The following VPS37A variants were observed in gnomAD, a reference collection of about 807,000 sequenced individuals.
The protein encoded by VPS37A is vacuolar protein sorting-associated protein 37A.
Under a neutral mutation model 49.8 loss-of-function variants are expected in VPS37A, and 30 were observed. That is an observed-to-expected ratio of 0.60 (90% CI 0.45 to 0.82). The LOEUF (loss-of-function observed/expected upper bound fraction) is 0.82, where lower values mean the gene tolerates loss of function less well. Among genes scored for constraint, VPS37A ranks in the 40% least tolerant of loss-of-function variants. The pLI is 0.00. For missense variants in VPS37A, 593 were observed against 464.4 expected (o/e 1.28, Z -2.55); for synonymous variants, 195 against 160.6 (o/e 1.21, Z -1.62).
rs142649525 is a variant in VPS37A, at chr8:17,251,384, T to C, written c.125+4015T>C. Among the ~76,000 whole-genome samples, 80 of 152,368 alleles carry C rather than the reference T, an allele frequency of 5.3e-4. 1 individual carries two copies. In the East Asian group the frequency reaches 0.013, roughly 26 times the overall value. On this transcript the variant is annotated intron_variant, in intron 1 of 11. Coordinates refer to ENST00000324849, the MANE Select transcript of VPS37A (RefSeq NM_152415.3). ...AAATCAGCAATTGTGATTCCTGTCA[T>C]GCAGGATTTTTGATAACTAAAAAAT... is the stretch of plus-strand genomic sequence containing the variant.
rs1563263775 is a variant in VPS37A at position 17,273,022 on chromosome 8, C to CTTTTTTT, written c.417-1711_417-1710insTTTTTTT. Among the ~76,000 whole-genome samples the CTTTTTTT allele has an allele frequency of 5.0e-5, 4 of 80,148 alleles. 1 individual carries two copies. The highest frequency in any genetic ancestry group is 1.3e-4 in the African/African-American group (2 of 15,566). The allele number at this position is 80,148 out of a possible 152,430, so 52.6% of individuals were successfully genotyped here. On this transcript the variant is annotated intron_variant, in intron 4 of 11. Transcript: ENST00000324849. ...ATGAATGGTAGCATATTTTGCCCTT[C>CTTTTTTT]CTTTTTTTTTTTTTTTTTTTTTTTT... is the stretch of plus-strand genomic sequence containing the variant.
chr8:17,295,140 G>T lies in VPS37A; in HGVS notation c.*154G>T, dbSNP rs909580197. The T allele has an allele frequency of 2.6e-5, 4 of 152,578 alleles. No homozygotes were observed. Among genetic ancestry groups the T allele is most frequent in the Non-Finnish European group, 4.4e-5 (3 of 68,032 alleles). The allele number at this position is 152,578 out of a possible 1,614,324, so 9.5% of individuals were successfully genotyped here. A position where few individuals can be genotyped will look rare whatever the true frequency, so the allele number is the denominator to read the frequency against. ...ACAGAACTGAGACTGATTTTGTACC[G>T]ATTAGAATGATTGCTATGATCTTTG... On this transcript the variant is annotated 3_prime_UTR_variant, in exon 12 of 12. Coordinates refer to ENST00000324849, the MANE Select transcript of VPS37A (RefSeq NM_152415.3).
At chr8:17,331,453 C>T in the VPS37A span, among the ~76,000 whole-genome samples, 2 of 152,214 alleles carry the variant, frequency 1.3e-5, no homozygotes, top group African/African-American at 4.8e-5. Flanking sequence ...GCTTCAGGGA[C>T]TCCTGCTGAG....
chr8:17,258,941 C>G (rs1812731218), intron 1 of VPS37A, among the ~76,000 whole-genome samples: 1 of 151,994 alleles, frequency 6.6e-6, no homozygotes, highest in African/African-American at 2.4e-5. Context: ...GTTCTGTGGT[C>G]TCAGTTGTCA....
the VPS37A span, among the ~76,000 whole-genome samples, chr8:17,316,834 T>C: frequency 0.16 from 24,309 of 151,932 alleles, 2,241 homozygotes; most frequent in East Asian, 0.29. Context: ...AAGGGACTTC[T>C]GCGTGTGTGG....
chr8:17,319,902 G>C, the VPS37A span, among the ~76,000 whole-genome samples: 1 of 152,038 alleles, frequency 6.6e-6, no homozygotes, highest in Non-Finnish European at 1.5e-5. Context: ...CAACAGTGCT[G>C]CCCTAATACA....
chr8:17,265,771 A>G (rs546488074), intron 1 of VPS37A, 136 bp from the exon 2 acceptor site: 2 of 1,542,264 alleles, frequency 1.3e-6, no homozygotes, highest in African/African-American at 1.4e-5. Flanking sequence ...TCCCCTCAAG[A>G]TACAAGTTAT....
Position 17,297,926 on chromosome 8 carries a change from C to T in VPS37A, c.*2940C>T, listed in dbSNP as rs1440495990. ...AGTTGAGGGGACTAAAAGTTTATGA[C>T]TCTGATATGGAAGTTGTCATATTAA... On this transcript the variant is annotated 3_prime_UTR_variant, in exon 12 of 12. Transcript: ENST00000324849. The T allele has an allele frequency of 6.6e-6, 1 of 151,954 alleles. No homozygotes were observed. Among genetic ancestry groups the T allele is most frequent in the Admixed American group, 6.6e-5 (1 of 15,254 alleles). 9.4% of individuals were successfully genotyped at this position (151,954 alleles called of 1,614,324 possible).
chr8:17,289,646 C>T (rs1338325073), intron 11 of VPS37A, among the ~76,000 whole-genome samples: 1 of 152,168 alleles, frequency 6.6e-6, no homozygotes, highest in East Asian at 1.9e-4. Context: ...TGCCTGCCGC[C>T]AGCTTTGTTC....
chr8:17,264,706 A>G (rs1406373245), intron 1 of VPS37A, among the ~76,000 whole-genome samples: 1 of 152,194 alleles, frequency 6.6e-6, no homozygotes, highest in East Asian at 1.9e-4. Flanking sequence ...CAAAAAGCAA[A>G]TCATTAGTCA....
At chr8:17,320,854 G>A in the VPS37A span, among the ~76,000 whole-genome samples, 9 of 152,168 alleles carry the variant, frequency 5.9e-5, no homozygotes, top group Non-Finnish European at 1.2e-4. Flanking sequence ...CTCCCTGGGC[G>A]CCTGCTGTTT....
intron 1 of VPS37A, among the ~76,000 whole-genome samples, chr8:17,256,306 T>TG (rs1812452928): frequency 1.4e-5 from 2 of 142,152 alleles, no homozygotes; most frequent in Admixed American, 7.0e-5. Flanking sequence ...TTTTTTTTTT[T>TG]TTTTTTTTTT....
downstream of VPS37A, chr8:17,302,437 G>T (rs1817179352): frequency 1.3e-6 from 1 of 758,776 alleles, no homozygotes; most frequent in Non-Finnish European, 2.0e-6. Context: ...ATAATTTCAT[G>T]TTGATGTTTT....
rs1814354748 is a variant in VPS37A at position 17,274,812 on chromosome 8, G to A, written c.496G>A (p.Ala166Thr). 6.2e-7 allele frequency: 1 copy of A among 1,613,964 alleles called. No individual in the cohort carries two copies. Among genetic ancestry groups the A allele is most frequent in the Admixed American group, 1.7e-5 (1 of 59,990 alleles). ...TCTTCCTCCATATCCTCCACAAGAA[G>A]CAAACAGGAGTATCACTTCTTTATC... ...PFLPPYPPQEANRSITSLSVA... is the reference protein window; with the variant it reads ...PFLPPYPPQETNRSITSLSVA... The change falls in exon 5 of 12, where the codon GCA becomes ACA. Residue 166 changes from alanine to threonine, a missense_variant. Coordinates refer to ENST00000324849, the MANE Select transcript of VPS37A (RefSeq NM_152415.3).
the VPS37A span, chr8:17,311,606 C>G: frequency 6.2e-7 from 1 of 1,614,140 alleles, no homozygotes; most frequent in East Asian, 2.2e-5. Flanking sequence ...GAACAGTGAA[C>G]AAGCACACTT....
At chr8:17,298,227 G>T (rs1185893347), downstream of VPS37A, 1 of 151,964 alleles carries the variant, frequency 6.6e-6, no homozygotes. Flanking sequence ...TTTTAGCAAG[G>T]TATTCCCTAT....
At chr8:17,332,246 C>G in the VPS37A span, among the ~76,000 whole-genome samples, 2 of 152,158 alleles carry the variant, frequency 1.3e-5, no homozygotes, top group East Asian at 1.9e-4. Context: ...CTTTTAAAAG[C>G]ACAGTGCACA....
chr8:17,303,804 C>T (rs1310479159), downstream of VPS37A, among the ~76,000 whole-genome samples: 5 of 151,986 alleles, frequency 3.3e-5, no homozygotes, highest in African/African-American at 4.8e-5. Flanking sequence ...GAGACTGGGT[C>T]TCCCCATGTT....
intron 11 of VPS37A, among the ~76,000 whole-genome samples, chr8:17,294,747 C>T (rs1816485356): frequency 6.6e-6 from 1 of 152,178 alleles, no homozygotes; most frequent in African/African-American, 2.4e-5. Context: ...TGCTCACCCT[C>T]CGTGGGCTAC....
Sources: gnomAD v4.1 joint callset for allele counts (sites outside exome capture counted in the v4.1 genomes callset) on GRCh38, gnomAD v4.1.1 for gene constraint, MANE v1.5 for transcripts, NCBI Gene and HGNC (gene_info 2026-07-23, HGNC 2026-07-21) for gene names.